Variants in GRM8 observed in about 807,000 individuals in gnomAD.
The protein encoded by GRM8 is metabotropic glutamate receptor 8.
GRM8 carries 47 observed loss-of-function variants against 87.2 expected under a neutral mutation model. That is an observed-to-expected ratio of 0.54 (90% CI 0.43 to 0.69). GRM8 has a LOEUF of 0.69. Among genes scored for constraint, GRM8 ranks in the 30% least tolerant of loss-of-function variants. GRM8 has a pLI of 0.00. For synonymous variants in GRM8, 396 were observed against 404.5 expected (o/e 0.98, Z 0.25); for missense variants, 1,019 against 1,139.2 (o/e 0.89, Z 1.52).
chr7:126,957,639 C>T lies in GRM8; in HGVS notation c.728-52956G>A, dbSNP rs550949078. On this transcript the variant is annotated intron_variant, in intron 3 of 10. Transcript: ENST00000339582. ...GGGTATGCGTGCACTGAAAGCAGCA[C>T]TGACATGCCAGGCCCCTGCTGCCTC... 1.6e-4 allele frequency among the ~76,000 whole-genome samples: 25 copies of T among 152,344 alleles called. No homozygotes were observed. The South Asian group carries it at 5.0e-3, about 30-fold the overall frequency.
intron 2 of GRM8, among the ~76,000 whole-genome samples, chr7:127,203,962 C>T (rs1369452918): frequency 3.3e-5 from 5 of 152,196 alleles, no homozygotes; most frequent in African/African-American, 1.2e-4. Flanking sequence ...AAACGTATGT[C>T]ATGCAAATAA....
chr7:126,915,292 G>T (rs1412606445), intron 3 of GRM8, among the ~76,000 whole-genome samples: 3 of 152,086 alleles, frequency 2.0e-5, no homozygotes, highest in African/African-American at 7.2e-5. Context: ...CACCCAAATG[G>T]GCTTTGTGAA....
At chr7:126,681,031 T>C (rs1456132634) in intron 7 of GRM8, among the ~76,000 whole-genome samples, 1 of 152,200 alleles carries the variant, frequency 6.6e-6, no homozygotes, top group Non-Finnish European at 1.5e-5. Flanking sequence ...AAGAAGTTAT[T>C]CAGGAACATA....
intron 3 of GRM8, among the ~76,000 whole-genome samples, chr7:127,102,513 T>A (rs1006556834): frequency 4.6e-5 from 7 of 152,178 alleles, no homozygotes; most frequent in African/African-American, 1.7e-4. Flanking sequence ...AGGACACTGT[T>A]ACCCACATCC....
At chr7:127,104,306 G>A (rs1020687327) in intron 3 of GRM8, among the ~76,000 whole-genome samples, 13 of 152,072 alleles carry the variant, frequency 8.5e-5, no homozygotes, top group African/African-American at 2.9e-4. Context: ...GGTGACAGAT[G>A]TCATCAATGT....
chr7:126,851,952 C>T (rs372766674), intron 6 of GRM8, among the ~76,000 whole-genome samples: 5 of 152,100 alleles, frequency 3.3e-5, no homozygotes, highest in African/African-American at 4.8e-5. Context: ...GTACTCAGTA[C>T]GTATTTGTTG....
intron 8 of GRM8, among the ~76,000 whole-genome samples, chr7:126,542,082 A>G (rs1057020898): frequency 1.3e-5 from 2 of 152,228 alleles, no homozygotes; most frequent in African/African-American, 4.8e-5. Context: ...AAAACCATCT[A>G]AAAGTCAAGG....
rs554694061 is a variant in GRM8, at chr7:126,685,092, G to A, written c.1358-75594C>T. ...CTGACTGCACTGCCCCCACCTTCACGCAGCCGGGCAGTACCCACTCCAGGC... is the reference window on the plus strand; with the variant it reads ...CTGACTGCACTGCCCCCACCTTCACACAGCCGGGCAGTACCCACTCCAGGC... On this transcript the variant is annotated intron_variant, in intron 7 of 10. Coordinates refer to ENST00000339582, the MANE Select transcript of GRM8 (RefSeq NM_000845.3). The surrounding 1 kb of genome is among the most constrained non-coding windows in gnomAD (Gnocchi z 4.2). Among the ~76,000 whole-genome samples, 149 of 152,274 alleles carry A rather than the reference G, an allele frequency of 9.8e-4. 1 individual carries two copies. Among genetic ancestry groups the A allele is most frequent in the African/African-American group, 3.5e-3 (145 of 41,568 alleles).
intron 6 of GRM8, among the ~76,000 whole-genome samples, chr7:126,801,592 T>C (rs1822705393): frequency 6.6e-6 from 1 of 152,210 alleles, no homozygotes; most frequent in Admixed American, 6.5e-5. Context: ...ATATTTTCTT[T>C]TCTGTATTAT....
chr7:126,526,796 G>A (rs1034246923), intron 9 of GRM8, among the ~76,000 whole-genome samples: 1 of 152,208 alleles, frequency 6.6e-6, no homozygotes, highest in African/African-American at 2.4e-5. Context: ...TGGCAGTCCT[G>A]CCTGCATGTG....
chr7:127,154,830 T>C (rs1332168438), intron 2 of GRM8, among the ~76,000 whole-genome samples: 1 of 152,160 alleles, frequency 6.6e-6, no homozygotes, highest in African/African-American at 2.4e-5. Flanking sequence ...AAATGAAAAC[T>C]GATTTCTTTA....
At chr7:126,550,649 A>C (rs555269222) in intron 8 of GRM8, among the ~76,000 whole-genome samples, 1 of 152,172 alleles carries the variant, frequency 6.6e-6, no homozygotes, top group African/African-American at 2.4e-5. Context: ...CTGCATCAAA[A>C]CTCAAGTGTT....
intron 3 of GRM8, among the ~76,000 whole-genome samples, chr7:126,992,122 AAACTGATC>A (rs1378585405): frequency 6.6e-6 from 1 of 152,210 alleles, no homozygotes; most frequent in Non-Finnish European, 1.5e-5. Flanking sequence ...TGTAGCCAAT[AAACTGATC>A]ACAGTGCCTT....
At chr7:126,440,348 T>G (rs1277743718) in intron 10 of GRM8, among the ~76,000 whole-genome samples, 1 of 140,184 alleles carries the variant, frequency 7.1e-6, no homozygotes, top group Non-Finnish European at 1.5e-5. Flanking sequence ...GAGGCAGAGG[T>G]TCCAGTGAGC....
At chr7:126,669,868 G>T (rs1397328345) in intron 7 of GRM8, among the ~76,000 whole-genome samples, 1 of 152,216 alleles carries the variant, frequency 6.6e-6, no homozygotes, top group Non-Finnish European at 1.5e-5. Flanking sequence ...TTAAAGGATT[G>T]TTTTAAATTA....
chr7:126,606,604 T>A (rs1282052388), intron 8 of GRM8, among the ~76,000 whole-genome samples: 1 of 152,212 alleles, frequency 6.6e-6, no homozygotes, highest in Non-Finnish European at 1.5e-5. Context: ...TGATTTGTCC[T>A]GATAATCCTC....
intron 6 of GRM8, among the ~76,000 whole-genome samples, chr7:126,829,388 G>A (rs1448208638): frequency 1.5e-5 from 2 of 132,596 alleles, no homozygotes; most frequent in Admixed American, 7.8e-5. Flanking sequence ...GGGTGCTCCT[G>A]TATTGGGTGC....
intron 7 of GRM8, among the ~76,000 whole-genome samples, chr7:126,765,486 A>G (rs537248356): frequency 2.6e-5 from 4 of 152,220 alleles, no homozygotes; most frequent in South Asian, 2.1e-4. Context: ...GAGCTCAGCT[A>G]TAGGGCAAGG....
chr7:126,789,802 T>G (rs1821077278), intron 6 of GRM8, among the ~76,000 whole-genome samples: 1 of 152,230 alleles, frequency 6.6e-6, no homozygotes, highest in African/African-American at 2.4e-5. Flanking sequence ...TTCCATTAAG[T>G]TCCTTTCTAT....
Sources: allele counts gnomAD v4.1 joint callset (sites outside exome capture counted in the v4.1 genomes callset), GRCh38; gene constraint gnomAD v4.1.1; non-coding constraint Gnocchi (gnomAD v3.1); transcripts MANE v1.5; gene names NCBI Gene and HGNC (gene_info 2026-07-23, HGNC 2026-07-21).